Variants in SEC23IP observed in about 807,000 individuals in gnomAD.
SEC23IP encodes the protein SEC23-interacting protein.
In SEC23IP, 70 loss-of-function variants were observed where a neutral mutation model predicts 113.4. The ratio of observed to expected loss-of-function variants is 0.62; its 90% CI spans 0.51 to 0.75. The LOEUF (loss-of-function observed/expected upper bound fraction) is 0.75, where lower values mean the gene tolerates loss of function less well. Ranked by LOEUF, SEC23IP falls within the 30% of genes least tolerant of loss-of-function variation. The pLI, the probability that SEC23IP is intolerant of heterozygous loss-of-function variation, is 0.00. For synonymous variants in SEC23IP, 398 were observed against 421.0 expected, an observed-to-expected ratio of 0.95 and a Z score of 0.67; for missense variants, 1,160 against 1,204.9, an observed-to-expected ratio of 0.96 and a Z score of 0.55.
chr10:119,926,141 A>G lies in SEC23IP; in HGVS notation c.2227A>G (p.Asn743Asp), dbSNP rs141474254. The G allele has an allele frequency of 4.8e-5, 78 of 1,614,026 alleles. No homozygotes were observed. The highest frequency in any genetic ancestry group is 6.1e-5 in the Non-Finnish European group (72 of 1,180,010). ...CATGGCTTCCCTCCCCTCAGAATCC[A>G]ATGAGCCAAAGAGGAAACTTCCAGT... Reference protein sequence around the residue: ...KDMASLPSESNEPKRKLPVGA... With the variant: ...KDMASLPSESDEPKRKLPVGA... Residue 743 changes from asparagine to aspartate, a missense_variant, in exon 13 of 19, where the codon AAT becomes GAT. Asn to Asp is a conservative substitution (Grantham distance 23, BLOSUM62 1). Transcript: ENST00000369075.
intron 1 of SEC23IP, among the ~76,000 whole-genome samples, chr10:119,898,021 A>G (rs559539893): frequency 6.6e-6 from 1 of 151,578 alleles, no homozygotes; most frequent in South Asian, 2.1e-4. Flanking sequence ...AAATAAAAAA[A>G]AAAAAATAAA....
intron 3 of SEC23IP, among the ~76,000 whole-genome samples, chr10:119,903,551 AT>A (rs1365860841): frequency 2.0e-5 from 3 of 152,238 alleles, no homozygotes; most frequent in Admixed American, 6.5e-5. Context: ...GATAAAAAAA[AT>A]CCATCAGTTC....
At chr10:119,913,684 G>A (rs958688959) in intron 6 of SEC23IP, among the ~76,000 whole-genome samples, 7 of 151,426 alleles carry the variant, frequency 4.6e-5, no homozygotes, top group East Asian at 3.9e-4. Context: ...TGGAGACAGC[G>A]TTTTGCCATG....
rs575485372 is a variant in SEC23IP, at chr10:119,914,795, C to T, written c.1378C>T (p.Arg460Cys). The T allele has an allele frequency of 3.0e-4, 489 of 1,613,978 alleles. 4 individuals carry two copies. In the South Asian group the frequency reaches 4.5e-3, roughly 15 times the overall value. ...VHGIGPVCDLRFRSIIECVDD... is the reference protein window; with the variant it reads ...VHGIGPVCDLCFRSIIECVDD... Reference sequence around the variant, plus strand: ...TGGCATTGGACCTGTGTGTGACTTACGCTTTAGGAGCATTATTGAGTGTGG... The same window carrying T: ...TGGCATTGGACCTGTGTGTGACTTATGCTTTAGGAGCATTATTGAGTGTGG... Residue 460 changes from arginine to cysteine, a missense_variant, in exon 7 of 19, where the codon CGC becomes TGC. Coordinates refer to ENST00000369075, the MANE Select transcript of SEC23IP (RefSeq NM_007190.4).
chr10:119,943,362 A>G lies in SEC23IP; in HGVS notation c.*2797A>G, dbSNP rs1856007854. On this transcript the variant is annotated 3_prime_UTR_variant, in exon 19 of 19. Coordinates refer to ENST00000369075, the MANE Select transcript of SEC23IP (RefSeq NM_007190.4). ...ACTGTCCCTGCGGTGCACGGGACAG[A>G]CTGTCAGCTAACCTGTCTTCATGAC... 1 of 152,170 alleles carries G rather than the reference A, an allele frequency of 6.6e-6. No individual in the cohort carries two copies. The highest frequency in any genetic ancestry group is 2.4e-5 in the African/African-American group (1 of 41,434). The allele number at this position is 152,170 out of a possible 1,614,324, so 9.4% of individuals were successfully genotyped here. A position where few individuals can be genotyped will look rare whatever the true frequency, so the allele number is the denominator to read the frequency against.
At chr10:119,936,856 G>A (rs1172581051) in intron 18 of SEC23IP, among the ~76,000 whole-genome samples, 3 of 151,318 alleles carry the variant, frequency 2.0e-5, no homozygotes, top group African/African-American at 7.3e-5. Context: ...GAGGTACGGG[G>A]TAGGGTCCTT....
chr10:119,917,832 A>T lies in SEC23IP; in HGVS notation c.1545-4A>T, dbSNP rs770555360. The stretch of plus-strand genomic sequence containing the variant: ...GAATGTGCTGTATTTTTCTTTTTAA[A>T]CAGGAATATTAAGAAAATCACTTTG... On this transcript the variant is annotated splice_region_variant and splice_polypyrimidine_tract_variant and intron_variant, in intron 8 of 18. Transcript: ENST00000369075. 3 of 1,609,690 alleles carry T rather than the reference A, an allele frequency of 1.9e-6. No homozygotes were observed. Among genetic ancestry groups the T allele is most frequent in the Non-Finnish European group, 2.5e-6 (3 of 1,176,728 alleles).
chr10:119,897,451 G>T (rs1253814513), intron 1 of SEC23IP, among the ~76,000 whole-genome samples: 3 of 152,064 alleles, frequency 2.0e-5, no homozygotes, highest in African/African-American at 7.2e-5. Flanking sequence ...TCAGCAATTT[G>T]GTATTCTGTA....
In SEC23IP at chr10:119,898,530, C is replaced by A. The variant is rs1218680898; in HGVS notation, c.267C>A (p.Ser89Arg). The A allele has an allele frequency of 6.2e-7, 1 of 1,614,072 alleles. No homozygotes were observed. The highest frequency in any genetic ancestry group is 8.5e-7 in the Non-Finnish European group (1 of 1,180,054). Reference sequence around the variant, plus strand: ...GTTACTTCTCTCAGGTATCAAGCAGCAGTGATCCTTTTGGGAATATTGGAC... The same window carrying A: ...GTTACTTCTCTCAGGTATCAAGCAGAAGTGATCCTTTTGGGAATATTGGAC... ...TFSYFSQVSS[S>R]SDPFGNIGQS... The change falls in exon 2 of 19, where the codon AGC becomes AGA. Residue 89 changes from serine to arginine, a missense_variant. Coordinates refer to ENST00000369075, the MANE Select transcript of SEC23IP (RefSeq NM_007190.4).
intron 8 of SEC23IP, 117 bp downstream of exon 8, chr10:119,916,006 C>A: frequency 1.2e-6 from 1 of 831,630 alleles, no homozygotes; most frequent in Non-Finnish European, 1.7e-6. Context: ...AAATTGTATA[C>A]TTCTGACATA....
At position 119,941,683 on chromosome 10, in the gene SEC23IP, A is replaced by G. The variant is rs1339637380; in HGVS notation, c.*1118A>G. The G allele has an allele frequency of 3.3e-5, 5 of 152,692 alleles. No homozygotes were observed. Among genetic ancestry groups the G allele is most frequent in the African/African-American group, 1.2e-4 (5 of 41,472 alleles). 9.5% of individuals were successfully genotyped at this position (152,692 alleles called of 1,614,324 possible). On this transcript the variant is annotated 3_prime_UTR_variant, in exon 19 of 19. Transcript: ENST00000369075. ...TATGATACACATTTTTTGTGTATGT[A>G]TTCTAATTAGTGTGAATAAAGCAGT... is the stretch of plus-strand genomic sequence containing the variant.
Position 119,920,461 on chromosome 10 carries a change from A to G in SEC23IP, c.2026-428A>G, listed in dbSNP as rs79154601. ...ATACCCGTCTCTAAGGTACATTTAC[A>G]TGAAGAGAGCAGAGTTCATTACTGT... On this transcript the variant is annotated intron_variant, in intron 11 of 18. Transcript: ENST00000369075. Among the ~76,000 whole-genome samples the G allele has an allele frequency of 1.6e-3, 244 of 152,364 alleles. 7 individuals carry two copies. In the East Asian group the frequency reaches 0.041, roughly 26 times the overall value.
intron 2 of SEC23IP, among the ~76,000 whole-genome samples, chr10:119,899,854 TA>T (rs1250118838): frequency 1.3e-5 from 2 of 152,172 alleles, no homozygotes; most frequent in African/African-American, 2.4e-5. Context: ...GTTGCAAAAA[TA>T]AAAAGAGTAC....
At position 119,917,926 on chromosome 10, in the gene SEC23IP, C is replaced by T. The variant is rs996969254; in HGVS notation, c.1635C>T (p.Pro545=). ...TLLDILFYNS[P]TYCQTIVEKV... ...TAGATATTTTATTTTATAACAGCCC[C>T]ACCTACTGTCAGACAATTGTGGAAA... Residue 545 remains proline, a synonymous_variant, in exon 9 of 19, where the codon CCC becomes CCT. Coordinates refer to ENST00000369075, the MANE Select transcript of SEC23IP (RefSeq NM_007190.4). The T allele has an allele frequency of 6.2e-7, 1 of 1,613,894 alleles. No homozygotes were observed. The highest frequency in any genetic ancestry group is 8.5e-7 in the Non-Finnish European group (1 of 1,179,816).
At chr10:119,937,800 G>A (rs1564928753) in intron 18 of SEC23IP, among the ~76,000 whole-genome samples, 1 of 151,936 alleles carries the variant, frequency 6.6e-6, no homozygotes. Flanking sequence ...GTTTCTGTCT[G>A]TGCCATATAT....
intron 12 of SEC23IP, among the ~76,000 whole-genome samples, chr10:119,925,657 C>T (rs1172327804): frequency 6.6e-6 from 1 of 152,028 alleles, no homozygotes; most frequent in Non-Finnish European, 1.5e-5. Flanking sequence ...TCCTCCCACC[C>T]TAGCCTCCTG....
At chr10:119,923,879 TCA>T (rs1053546218) in intron 12 of SEC23IP, among the ~76,000 whole-genome samples, 6 of 152,262 alleles carry the variant, frequency 3.9e-5, no homozygotes, top group African/African-American at 1.4e-4. Flanking sequence ...CACTGTTGGT[TCA>T]CAGTTTAAAA....
chr10:119,917,443 G>A (rs981892132), intron 8 of SEC23IP, among the ~76,000 whole-genome samples: 3 of 151,060 alleles, frequency 2.0e-5, no homozygotes, highest in African/African-American at 7.3e-5. Flanking sequence ...CAGTGGTGCA[G>A]TCTCAGCTCA....
rs1378474885 is a variant in SEC23IP at position 119,933,239 on chromosome 10, G to T, written c.2921+72G>T. On this transcript the variant is annotated intron_variant, in intron 17 of 18. Transcript: ENST00000369075. ...AGCACGTGCAGCAATTTTAGTTTTA[G>T]TGAGATTCTTTTACTGATACAATGT... 5.6e-6 allele frequency: 7 copies of T among 1,244,764 alleles called. No homozygotes were observed. In the East Asian group the frequency reaches 1.6e-4, roughly 29 times the overall value. 77.1% of individuals were successfully genotyped at this position (1,244,764 alleles called of 1,614,324 possible).
Sources: allele counts gnomAD v4.1 joint callset (sites outside exome capture counted in the v4.1 genomes callset), GRCh38; gene constraint gnomAD v4.1.1; transcripts MANE v1.5; gene names NCBI Gene and HGNC (gene_info 2026-07-23, HGNC 2026-07-21).